Variants in GRIN2A observed in about 807,000 individuals in gnomAD.
The protein encoded by GRIN2A is glutamate ionotropic receptor NMDA type subunit 2A.
GRIN2A carries 22 observed loss-of-function variants against 113.4 expected under a neutral mutation model. The ratio of observed to expected loss-of-function variants is 0.19; its 90% CI spans 0.14 to 0.28. The LOEUF is 0.28. Among genes scored for constraint, GRIN2A ranks in the 10% least tolerant of loss-of-function variants. The pLI, the probability that GRIN2A is intolerant of heterozygous loss-of-function variation, is 1.00. For missense variants in GRIN2A, 1,502 were observed against 1,887.0 expected (o/e 0.80, Z 3.78); for synonymous variants, 827 against 738.4 (o/e 1.12, Z -1.94).
intron 2 of GRIN2A, among the ~76,000 whole-genome samples, chr16:10,024,929 C>G: frequency 6.6e-6 from 1 of 151,662 alleles, no homozygotes; most frequent in South Asian, 2.1e-4. Context: ...GAGCCTCCCA[C>G]AAAATAATCC....
At chr16:9,958,412 A>G (rs1347208948) in intron 2 of GRIN2A, among the ~76,000 whole-genome samples, 2 of 152,026 alleles carry the variant, frequency 1.3e-5, no homozygotes, top group African/African-American at 2.4e-5. Flanking sequence ...ATGCCCATCA[A>G]TGACCACACA....
intron 2 of GRIN2A, among the ~76,000 whole-genome samples, chr16:10,044,755 C>A (rs1269259519): frequency 6.6e-6 from 1 of 151,478 alleles, no homozygotes; most frequent in Non-Finnish European, 1.5e-5. Context: ...AGCTCTCATC[C>A]CACGACATTC....
intron 8 of GRIN2A, among the ~76,000 whole-genome samples, chr16:9,832,638 A>AT (rs149063984): frequency 0.036 from 5,547 of 152,304 alleles, 366 homozygotes; most frequent in African/African-American, 0.13. Context: ...TATTCATCAG[A>AT]AAATGTGTAA....
rs2141114441 is a variant in GRIN2A at position 9,757,980 on chromosome 16, G to C, written c.*5169C>G. The C allele has an allele frequency of 4.6e-6, 1 of 219,218 alleles. No homozygotes were observed. Among genetic ancestry groups the C allele is most frequent in the Non-Finnish European group, 9.2e-6 (1 of 109,168 alleles). The allele number at this position is 219,218 out of a possible 1,614,324, so 13.6% of individuals were successfully genotyped here. ...CCCCTTGAAAGAAACCTAGAAATAA[G>C]TCAGCCCGGTCAGAGAATCGAGCCA... On this transcript the variant is annotated 3_prime_UTR_variant, in exon 13 of 13. Transcript: ENST00000330684.
In GRIN2A at chr16:10,176,208, T is replaced by C. The variant is rs1448443211; in HGVS notation, c.414+3790A>G. 2.0e-5 allele frequency among the ~76,000 whole-genome samples: 3 copies of C among 152,072 alleles called. No homozygotes were observed. The East Asian group carries it at 5.8e-4, about 29-fold the overall frequency. The stretch of plus-strand genomic sequence containing the variant: ...TTTGTAGAGATGGGGTTTAAGCATG[T>C]TGGCCAGGCTGGTCTTGAACTCCTG... On this transcript the variant is annotated intron_variant, in intron 2 of 12. Transcript: ENST00000330684.
At chr16:9,925,532 C>A (rs1214413123) in intron 3 of GRIN2A, among the ~76,000 whole-genome samples, 1 of 152,182 alleles carries the variant, frequency 6.6e-6, no homozygotes, top group Admixed American at 6.5e-5. Context: ...CTAGATTCAA[C>A]TTTGTCTCTG....
Position 9,762,999 on chromosome 16 carries a change from G to C in GRIN2A, c.*150C>G. On this transcript the variant is annotated 3_prime_UTR_variant, in exon 13 of 13. Transcript: ENST00000330684. ...GAGTGGAAGATTATGGCATGAAGCCGTGTGCAAAAGAGCCAACAACAACAA... is the reference window on the plus strand; with the variant it reads ...GAGTGGAAGATTATGGCATGAAGCCCTGTGCAAAAGAGCCAACAACAACAA... 1.4e-6 allele frequency: 1 copy of C among 736,564 alleles called. No individual in the cohort carries two copies. Among genetic ancestry groups the C allele is most frequent in the Non-Finnish European group, 2.3e-6 (1 of 441,752 alleles). 45.6% of individuals were successfully genotyped at this position (736,564 alleles called of 1,614,324 possible). A position where few individuals can be genotyped will look rare whatever the true frequency, so the allele number is the denominator to read the frequency against.
intron 8 of GRIN2A, among the ~76,000 whole-genome samples, chr16:9,830,250 T>G (rs924064835): frequency 6.6e-6 from 1 of 152,218 alleles, no homozygotes; most frequent in African/African-American, 2.4e-5. Context: ...ACTTCACAGA[T>G]GGAAGACATT....
chr16:9,896,340 T>G (rs185035145), intron 3 of GRIN2A, among the ~76,000 whole-genome samples: 271 of 152,304 alleles, frequency 1.8e-3, no homozygotes, highest in Middle Eastern at 6.8e-3. Context: ...TGAGCCACCA[T>G]GCCCAGCCAA....
intron 2 of GRIN2A, among the ~76,000 whole-genome samples, chr16:10,176,728 C>G (rs1460303119): frequency 6.6e-6 from 1 of 151,654 alleles, no homozygotes; most frequent in African/African-American, 2.4e-5. Flanking sequence ...ATGGATAGCA[C>G]TAGGAGATAT....
intron 2 of GRIN2A, among the ~76,000 whole-genome samples, chr16:9,956,527 C>A (rs1351682585): frequency 2.0e-5 from 3 of 152,168 alleles, no homozygotes; most frequent in Non-Finnish European, 4.4e-5. Context: ...TTAATTAATT[C>A]ATTCATTTAA....
At chr16:9,891,202 C>A (rs954960323) in intron 3 of GRIN2A, 102 bp from the exon 4 acceptor site, 1 of 737,880 alleles carries the variant, frequency 1.4e-6, no homozygotes. Context: ...AAATTATAAA[C>A]TTACAATGCT....
chr16:9,794,114 T>C (rs1159421891), intron 11 of GRIN2A, among the ~76,000 whole-genome samples: 1 of 152,246 alleles, frequency 6.6e-6, no homozygotes, highest in African/African-American at 2.4e-5. Context: ...TGGTGCACTC[T>C]ATCATTTTAG....
In GRIN2A at chr16:9,898,278, T is replaced by C. The variant is rs186756597; in HGVS notation, c.1008-7178A>G. ...ATATTTTCTAACACCCTACTACAAA[T>C]GCAATGCTTTTTAAAGCCATGCTTC... On this transcript the variant is annotated intron_variant, in intron 3 of 12. Coordinates refer to ENST00000330684, the MANE Select transcript of GRIN2A (RefSeq NM_001134407.3). 5.9e-3 allele frequency among the ~76,000 whole-genome samples: 900 copies of C among 152,256 alleles called. 4 individuals carry two copies. The highest frequency in any genetic ancestry group is 9.5e-3 in the Non-Finnish European group (643 of 68,004).
chr16:10,070,535 A>G (rs1444215199), intron 2 of GRIN2A, among the ~76,000 whole-genome samples: 3 of 152,190 alleles, frequency 2.0e-5, no homozygotes, highest in Non-Finnish European at 2.9e-5. Context: ...AAATGCTACC[A>G]GCGTGGCCTG....
In GRIN2A at chr16:9,764,933, T is replaced by G. The variant is rs927932970; in HGVS notation, c.2611A>C (p.Ile871Leu). 3 of 1,614,170 alleles carry G rather than the reference T, an allele frequency of 1.9e-6. No individual in the cohort carries two copies. The highest frequency in any genetic ancestry group is 2.5e-6 in the Non-Finnish European group (3 of 1,179,994). Residue 871 changes from isoleucine to leucine, a missense_variant, in exon 13 of 13, where the codon ATT becomes CTT. This residue lies in a region of GRIN2A where 832 missense variants were observed against 789.7 expected (regional missense o/e 1.05). Transcript: ENST00000330684. Reference sequence around the variant, plus strand: ...TTTTCTTCAATGTGCACTCCATGAATGCAGCTGTAGATGCCCTGTAGGGGA... The same window carrying G: ...TTTTCTTCAATGTGCACTCCATGAAGGCAGCTGTAGATGCCCTGTAGGGGA... ...FSISRGIYSC[I>L]HGVHIEEKKK...
At chr16:10,092,269 A>G (rs1246933059) in intron 2 of GRIN2A, among the ~76,000 whole-genome samples, 4 of 152,210 alleles carry the variant, frequency 2.6e-5, no homozygotes, top group Non-Finnish European at 5.9e-5. Context: ...CATACTTTTC[A>G]TCTTTTCTGT....
intron 10 of GRIN2A, among the ~76,000 whole-genome samples, chr16:9,799,338 T>C (rs1903212154): frequency 6.6e-6 from 1 of 152,100 alleles, no homozygotes; most frequent in Non-Finnish European, 1.5e-5. Flanking sequence ...AGACTGGAGT[T>C]ATGCTGCTGC....
intron 2 of GRIN2A, among the ~76,000 whole-genome samples, chr16:10,087,115 C>A (rs911665688): frequency 6.6e-6 from 1 of 152,162 alleles, no homozygotes; most frequent in African/African-American, 2.4e-5. Context: ...CAAGTCCATG[C>A]AAATCTTGAA....
Sources: allele counts gnomAD v4.1 joint callset (sites outside exome capture counted in the v4.1 genomes callset), GRCh38; gene constraint gnomAD v4.1.1; regional missense constraint gnomAD v4.1.1; transcripts MANE v1.5; gene names NCBI Gene and HGNC (gene_info 2026-07-23, HGNC 2026-07-21).